SHISA9: variants seen among roughly 807,000 people sequenced by gnomAD.
SHISA9 encodes the protein protein shisa-9.
In SHISA9, 13 loss-of-function variants were observed where a neutral mutation model predicts 38.0. That is an observed-to-expected ratio of 0.34 (90% CI 0.22 to 0.54). The LOEUF (loss-of-function observed/expected upper bound fraction) is 0.54. Ranked by LOEUF, SHISA9 falls within the 20% of genes least tolerant of loss-of-function variation. The pLI, the probability that SHISA9 is intolerant of heterozygous loss-of-function variation, is 0.91. For missense variants in SHISA9, 538 were observed against 575.8 expected, an observed-to-expected ratio of 0.93 and a Z score of 0.67; for synonymous variants, 275 against 242.0, an observed-to-expected ratio of 1.14 and a Z score of -1.27.
chr16:13,263,678 A>C, the SHISA9 span, among the ~76,000 whole-genome samples: 1 of 152,316 alleles, frequency 6.6e-6, no homozygotes, highest in East Asian at 1.9e-4. Flanking sequence ...CCAAGAACAG[A>C]CTAATACAGT....
chr16:13,253,907 T>G, the SHISA9 span, among the ~76,000 whole-genome samples: 1 of 151,998 alleles, frequency 6.6e-6, no homozygotes, highest in African/African-American at 2.4e-5. Flanking sequence ...GAAGGTTACT[T>G]TTTTTTTCAC....
the SHISA9 span, among the ~76,000 whole-genome samples, chr16:13,250,851 G>GGTACT: frequency 4.6e-5 from 7 of 152,084 alleles, no homozygotes; most frequent in Non-Finnish European, 7.4e-5. Context: ...TGTATAATGT[G>GGTACT]GTACTTCTCA....
At chr16:13,376,830 G>C in the SHISA9 span, among the ~76,000 whole-genome samples, 1 of 152,032 alleles carries the variant, frequency 6.6e-6, no homozygotes, top group Non-Finnish European at 1.5e-5. Flanking sequence ...TGAGACTACA[G>C]GTGCACACCA....
chr16:13,543,375 A>T, the SHISA9 span, among the ~76,000 whole-genome samples: 1 of 152,174 alleles, frequency 6.6e-6, no homozygotes, highest in African/African-American at 2.4e-5. Context: ...GAAGACCTTG[A>T]ACAAATATTT....
the SHISA9 span, among the ~76,000 whole-genome samples, chr16:13,272,638 A>G: frequency 1.3e-5 from 2 of 152,174 alleles, no homozygotes; most frequent in Non-Finnish European, 2.9e-5. Flanking sequence ...GGAAAAATAA[A>G]ATAAATATCA....
the SHISA9 span, among the ~76,000 whole-genome samples, chr16:13,335,548 C>T: frequency 6.6e-6 from 1 of 152,252 alleles, no homozygotes; most frequent in Non-Finnish European, 1.5e-5. Flanking sequence ...TGGGACATTC[C>T]TGCTCCGTAC....
chr16:13,303,764 T>A, the SHISA9 span, among the ~76,000 whole-genome samples: 1 of 152,164 alleles, frequency 6.6e-6, no homozygotes, highest in African/African-American at 2.4e-5. Flanking sequence ...TTACCAAATT[T>A]TTAAAAAAGG....
At chr16:13,365,826 T>C in the SHISA9 span, among the ~76,000 whole-genome samples, 1 of 152,116 alleles carries the variant, frequency 6.6e-6, no homozygotes, top group African/African-American at 2.4e-5. Flanking sequence ...CAAGTTGTAA[T>C]TGTTGGACGT....
chr16:13,216,430 A>C (rs1169576910), intron 4 of SHISA9, among the ~76,000 whole-genome samples: 2 of 152,196 alleles, frequency 1.3e-5, no homozygotes, highest in Admixed American at 1.3e-4. Flanking sequence ...AAATGCATGC[A>C]GTTCATTACT....
At chr16:13,173,325 A>C (rs1234493118) in intron 2 of SHISA9, among the ~76,000 whole-genome samples, 1 of 149,888 alleles carries the variant, frequency 6.7e-6, no homozygotes, top group African/African-American at 2.5e-5. Context: ...ATATATATAT[A>C]TCCTATATAT....
chr16:12,927,715 T>C (rs991413316), intron 2 of SHISA9, among the ~76,000 whole-genome samples: 1 of 152,110 alleles, frequency 6.6e-6, no homozygotes, highest in African/African-American at 2.4e-5. Flanking sequence ...GCCTGTTTTT[T>C]ACTTATGTAG....
intron 2 of SHISA9, among the ~76,000 whole-genome samples, chr16:13,052,898 A>G (rs1469476314): frequency 6.7e-6 from 1 of 150,208 alleles, no homozygotes; most frequent in Non-Finnish European, 1.5e-5. Context: ...TAAGTTAATT[A>G]CTCAAGTTGG....
At chr16:13,309,319 C>T in the SHISA9 span, among the ~76,000 whole-genome samples, 1 of 152,190 alleles carries the variant, frequency 6.6e-6, no homozygotes, top group South Asian at 2.1e-4. Flanking sequence ...AGCAAACCTG[C>T]ACATCCTGCA....
chr16:12,928,719 A>G (rs1273976805), intron 2 of SHISA9, among the ~76,000 whole-genome samples: 1 of 152,234 alleles, frequency 6.6e-6, no homozygotes, highest in Non-Finnish European at 1.5e-5. Context: ...GAAGTTGTGC[A>G]AGGGCAGCAT....
intron 2 of SHISA9, among the ~76,000 whole-genome samples, chr16:13,182,587 A>C (rs1347814737): frequency 6.6e-6 from 1 of 152,184 alleles, no homozygotes; most frequent in Non-Finnish European, 1.5e-5. Flanking sequence ...TTTCTTATAA[A>C]TTTGGAATTG....
the SHISA9 span, among the ~76,000 whole-genome samples, chr16:13,504,235 A>G: frequency 1.3e-5 from 2 of 152,168 alleles, no homozygotes; most frequent in African/African-American, 4.8e-5. Flanking sequence ...CAATACCCAA[A>G]TTGCAGTAAG....
intron 2 of SHISA9, among the ~76,000 whole-genome samples, chr16:13,107,383 C>T (rs368067667): frequency 9.9e-5 from 15 of 151,472 alleles, no homozygotes; most frequent in Middle Eastern, 3.4e-3. Context: ...TGCAGTGAGC[C>T]GAGATTGCAC....
chr16:13,524,876 C>A, the SHISA9 span, among the ~76,000 whole-genome samples: 1 of 152,104 alleles, frequency 6.6e-6, no homozygotes, highest in Admixed American at 6.5e-5. Flanking sequence ...TGTGCCTTTC[C>A]ATATGCTCAG....
At chr16:13,444,448 C>T in the SHISA9 span, among the ~76,000 whole-genome samples, 2 of 148,284 alleles carry the variant, frequency 1.3e-5, no homozygotes, top group African/African-American at 2.5e-5. Context: ...AGGGAGGAAA[C>T]AAGGAAGGAA....
Sources: gnomAD v4.1 joint callset for allele counts (sites outside exome capture counted in the v4.1 genomes callset) on GRCh38, gnomAD v4.1.1 for gene constraint, MANE v1.5 for transcripts, NCBI Gene and HGNC (gene_info 2026-07-23, HGNC 2026-07-21) for gene names.